Variants in FGF12 observed in about 807,000 individuals in gnomAD.
FGF12 encodes the protein fibroblast growth factor 12.
In FGF12, 14 loss-of-function variants were observed where a neutral mutation model predicts 23.6. That is an observed-to-expected ratio of 0.59 (90% CI 0.39 to 0.93). The LOEUF (loss-of-function observed/expected upper bound fraction) is 0.93. Ranked by LOEUF, FGF12 falls within the 40% of genes least tolerant of loss-of-function variation. The pLI, the probability that FGF12 is intolerant of heterozygous loss-of-function variation, is 0.00. For synonymous variants in FGF12, 62 were observed against 77.3 expected (o/e 0.80, Z 1.04); for missense variants, 175 against 217.8 (o/e 0.80, Z 1.24).
intron 3 of FGF12, among the ~76,000 whole-genome samples, chr3:192,348,802 C>A (rs146209948): frequency 2.6e-5 from 4 of 152,200 alleles, no homozygotes; most frequent in African/African-American, 9.6e-5. Context: ...ATTATTTAAC[C>A]TTCCTGTGCC....
At chr3:192,596,831 T>C (rs745367949) in intron 2 of FGF12, among the ~76,000 whole-genome samples, 1 of 152,218 alleles carries the variant, frequency 6.6e-6, no homozygotes, top group Non-Finnish European at 1.5e-5. Flanking sequence ...ATAGACTCTA[T>C]TCCACCCAAT....
In FGF12 at chr3:192,457,258, G is replaced by A. The variant is rs188782977; in HGVS notation, c.14-96720C>T. Among the ~76,000 whole-genome samples, 287 of 152,290 alleles carry A rather than the reference G, an allele frequency of 1.9e-3. 2 individuals carry two copies. The highest frequency in any genetic ancestry group is 6.7e-3 in the African/African-American group (278 of 41,552). On this transcript the variant is annotated intron_variant, in intron 2 of 5. Transcript: ENST00000445105. ...CAGTAAATTGGTACCAGTAGAGTGGGGTGTTGCTGAAAAGATACCCAAAAT... is the reference window on the plus strand; with the variant it reads ...CAGTAAATTGGTACCAGTAGAGTGGAGTGTTGCTGAAAAGATACCCAAAAT...
At chr3:192,472,004 ATTAATT>A (rs2108814050) in intron 2 of FGF12, among the ~76,000 whole-genome samples, 1 of 152,186 alleles carries the variant, frequency 6.6e-6, no homozygotes, top group South Asian at 2.1e-4. Flanking sequence ...ATTTCACTTT[ATTAATT>A]TTGTTTTTGT....
At chr3:192,483,865 T>C (rs1022792560) in intron 2 of FGF12, among the ~76,000 whole-genome samples, 1 of 152,144 alleles carries the variant, frequency 6.6e-6, no homozygotes, top group Non-Finnish European at 1.5e-5. Flanking sequence ...CACACATCAA[T>C]AGAAAATAAA....
At chr3:192,539,901 A>G (rs1022649190) in intron 2 of FGF12, among the ~76,000 whole-genome samples, 2 of 151,836 alleles carry the variant, frequency 1.3e-5, no homozygotes, top group Non-Finnish European at 2.9e-5. Flanking sequence ...CTAGGAATGT[A>G]TGCATTTCTT....
chr3:192,548,544 T>C (rs2108583374), intron 2 of FGF12, among the ~76,000 whole-genome samples: 1 of 152,310 alleles, frequency 6.6e-6, no homozygotes, highest in South Asian at 2.1e-4. Context: ...TTATCAACTG[T>C]GTGGCTATCA....
intron 2 of FGF12, among the ~76,000 whole-genome samples, chr3:192,496,233 T>A (rs1289261276): frequency 6.6e-6 from 1 of 152,026 alleles, no homozygotes; most frequent in Non-Finnish European, 1.5e-5. Context: ...TGCAATATCT[T>A]ACATTGCTTA....
At chr3:192,189,237 C>G (rs1025855064) in intron 4 of FGF12, among the ~76,000 whole-genome samples, 9 of 152,196 alleles carry the variant, frequency 5.9e-5, no homozygotes, top group African/African-American at 2.2e-4. Context: ...ACTTCCCATA[C>G]TTGGAGGAAT....
At chr3:192,709,830 C>T (rs755634194) in intron 2 of FGF12, among the ~76,000 whole-genome samples, 1 of 152,180 alleles carries the variant, frequency 6.6e-6, no homozygotes, top group Non-Finnish European at 1.5e-5. Context: ...TTTATGATGG[C>T]ATTTACCATA....
intron 2 of FGF12, among the ~76,000 whole-genome samples, chr3:192,493,327 G>A (rs2108827562): frequency 6.6e-6 from 1 of 152,176 alleles, no homozygotes; most frequent in East Asian, 1.9e-4. Context: ...TAGGAGCACA[G>A]TTAGCTGTTA....
chr3:192,413,185 C>T (rs1226481921), intron 2 of FGF12, among the ~76,000 whole-genome samples: 1 of 152,186 alleles, frequency 6.6e-6, no homozygotes, highest in Admixed American at 6.5e-5. Flanking sequence ...CCAAGTCTTT[C>T]AACTTCCAAA....
At position 192,140,397 on chromosome 3, in the gene FGF12, G is replaced by A. The variant is rs1018889242; in HGVS notation, c.*3612C>T. ...GCAATATCATGGAAAACCTTCTCAA[G>A]AGCAAGGCCTTGTAGACTAAGGTAT... On this transcript the variant is annotated 3_prime_UTR_variant, in exon 6 of 6. Transcript: ENST00000445105. The A allele has an allele frequency of 1.3e-5, 2 of 151,978 alleles. No homozygotes were observed. Among genetic ancestry groups the A allele is most frequent in the African/African-American group, 4.8e-5 (2 of 41,408 alleles). The allele number at this position is 151,978 out of a possible 1,614,324, so 9.4% of individuals were successfully genotyped here.
chr3:192,422,839 C>CA (rs1721574865), intron 2 of FGF12, among the ~76,000 whole-genome samples: 1 of 152,100 alleles, frequency 6.6e-6, no homozygotes, highest in African/African-American at 2.4e-5. Flanking sequence ...TATGTGGTCC[C>CA]AGTGTAGTAG....
intron 2 of FGF12, among the ~76,000 whole-genome samples, chr3:192,588,349 C>CAAAAAAAAAAAAAAAAAAAA (rs1201739223): frequency 1.5e-5 from 1 of 66,984 alleles, no homozygotes. Context: ...CAATCCGTCT[C>CAAAAAAAAAAAAAAAAAAAA]AAAAAAAAAA....
chr3:192,476,893 T>C lies in FGF12; in HGVS notation c.14-116355A>G, dbSNP rs1212458754. 2.0e-5 allele frequency among the ~76,000 whole-genome samples: 3 copies of C among 152,172 alleles called. No homozygotes were observed. The East Asian group carries it at 5.8e-4, about 29-fold the overall frequency. ...GATTGGAGCCATATACAAGCAAGTA[T>C]CTGATAAATGCTTTCGGATGATTAA... On this transcript the variant is annotated intron_variant, in intron 2 of 5. Coordinates refer to ENST00000445105, the MANE Select transcript of FGF12 (RefSeq NM_004113.6).
At chr3:192,568,384 C>T (rs1712440967) in intron 2 of FGF12, among the ~76,000 whole-genome samples, 2 of 152,136 alleles carry the variant, frequency 1.3e-5, no homozygotes, top group Admixed American at 1.3e-4. Flanking sequence ...GACTCCTACC[C>T]TTCCGTGTGT....
intron 2 of FGF12, among the ~76,000 whole-genome samples, chr3:192,450,852 T>C (rs1044736110): frequency 2.0e-5 from 3 of 152,188 alleles, no homozygotes; most frequent in African/African-American, 7.2e-5. Flanking sequence ...CTTATTTCAG[T>C]TGCCAGAACC....
intron 2 of FGF12, among the ~76,000 whole-genome samples, chr3:192,513,579 A>G (rs1468386066): frequency 2.0e-5 from 3 of 152,238 alleles, no homozygotes; most frequent in Non-Finnish European, 2.9e-5. Context: ...TCATAGCTCA[A>G]GAACAGAGTG....
At chr3:192,547,735 C>T (rs1725532323) in intron 2 of FGF12, among the ~76,000 whole-genome samples, 1 of 152,202 alleles carries the variant, frequency 6.6e-6, no homozygotes, top group African/African-American at 2.4e-5. Flanking sequence ...AATGCTAGAA[C>T]TTAACCAATG....
Sources: gnomAD v4.1 joint callset for allele counts (sites outside exome capture counted in the v4.1 genomes callset) on GRCh38, gnomAD v4.1.1 for gene constraint, MANE v1.5 for transcripts, NCBI Gene and HGNC (gene_info 2026-07-23, HGNC 2026-07-21) for gene names.